The following TBPL2 variants were observed in gnomAD, a reference collection of about 807,000 sequenced individuals.
TBPL2 encodes the protein TATA-box binding protein like 2, also known as TATA box-binding protein-like 2.
TBPL2 carries 40 observed loss-of-function variants against 38.2 expected under a neutral mutation model. The observed-to-expected ratio is 1.05, with a 90% CI of 0.81 to 1.36. TBPL2 has a LOEUF of 1.36. TBPL2 is among the 40% of genes most tolerant of loss of function. The pLI, the probability that TBPL2 is intolerant of heterozygous loss-of-function variation, is 0.00. For missense variants in TBPL2, 461 were observed against 456.7 expected, an observed-to-expected ratio of 1.01 and a Z score of -0.09; for synonymous variants, 169 against 171.7, an observed-to-expected ratio of 0.98 and a Z score of 0.12.
chr14:55,439,241 A>T (rs1886065770), intron 1 of TBPL2, among the ~76,000 whole-genome samples: 1 of 147,878 alleles, frequency 6.8e-6, no homozygotes, highest in Non-Finnish European at 1.5e-5. Flanking sequence ...ACCCTGCCCA[A>T]TGCTAAGGAT....
At chr14:55,415,877 AT>A (rs1420384712) in intron 6 of TBPL2, among the ~76,000 whole-genome samples, 1 of 152,212 alleles carries the variant, frequency 6.6e-6, no homozygotes, top group African/African-American at 2.4e-5. Flanking sequence ...AAATAAAAAA[AT>A]GTATGGTGTG....
chr14:55,423,638 ATAT>A (rs1885777613), intron 6 of TBPL2, among the ~76,000 whole-genome samples: 1 of 152,232 alleles, frequency 6.6e-6, no homozygotes, highest in East Asian at 1.9e-4. Context: ...TGGGGAAAAA[ATAT>A]TACATAACAC....
At chr14:55,432,442 A>AACAAAAAAAAAC (rs144188761) in intron 4 of TBPL2, among the ~76,000 whole-genome samples, 22,916 of 148,866 alleles carry the variant, frequency 0.15, 2,399 homozygotes, top group African/African-American at 0.31. Flanking sequence ...ATAAACAAAC[A>AACAAAAAAAAAC]ACAAAAAAAA....
In TBPL2 at chr14:55,423,056, C is replaced by T. The variant is rs112925605; in HGVS notation, c.1051+1103G>A. ...ATAGTATTATAGTAAACTCAAATCC[C>T]GAGAAAATACAAGCTAAGTAGACAA... On this transcript the variant is annotated intron_variant, in intron 6 of 6. Transcript: ENST00000247219. 2.0e-3 allele frequency among the ~76,000 whole-genome samples: 309 copies of T among 151,560 alleles called. 1 individual carries two copies. The highest frequency in any genetic ancestry group is 3.7e-3 in the Non-Finnish European group (254 of 67,858).
At chr14:55,433,750 C>A (rs1327264709) in intron 3 of TBPL2, 29 bp from the exon 4 acceptor site, 1 of 1,603,850 alleles carries the variant, frequency 6.2e-7, no homozygotes, top group East Asian at 2.2e-5. Context: ...AGAGAATTAG[C>A]CTCTGCTAGG....
At chr14:55,438,315 A>C (rs1186175117) in intron 1 of TBPL2, among the ~76,000 whole-genome samples, 1 of 152,156 alleles carries the variant, frequency 6.6e-6, no homozygotes, top group African/African-American at 2.4e-5. Flanking sequence ...AAGCACTTAG[A>C]ATTAAAAACA....
intron 2 of TBPL2, 85 bp from the exon 3 acceptor site, chr14:55,436,019 GT>G: frequency 1.2e-6 from 1 of 835,656 alleles, no homozygotes; most frequent in Non-Finnish European, 1.8e-6. Context: ...CATTTCTTAG[GT>G]TATACCTTAG....
At chr14:55,438,062 T>G (rs952004890) in intron 1 of TBPL2, among the ~76,000 whole-genome samples, 4 of 152,214 alleles carry the variant, frequency 2.6e-5, no homozygotes, top group African/African-American at 7.2e-5. Context: ...ATTAGCTTGA[T>G]AAATGCATTA....
At chr14:55,439,691 G>A (rs1566596535) in intron 1 of TBPL2, among the ~76,000 whole-genome samples, 2 of 147,542 alleles carry the variant, frequency 1.4e-5, no homozygotes, top group Non-Finnish European at 3.0e-5. Flanking sequence ...AGCACTTTGG[G>A]AGGCCAAGGC....
chr14:55,420,821 T>C (rs951121653), intron 6 of TBPL2, among the ~76,000 whole-genome samples: 3 of 151,768 alleles, frequency 2.0e-5, no homozygotes, highest in African/African-American at 7.3e-5. Flanking sequence ...GCACTTTGGG[T>C]GGCCGAGGCG....
chr14:55,421,548 C>T (rs1885745239), intron 6 of TBPL2, among the ~76,000 whole-genome samples: 1 of 152,214 alleles, frequency 6.6e-6, no homozygotes, highest in Admixed American at 6.5e-5. Context: ...ACTGCAGCCT[C>T]TGCCTCCCAG....
chr14:55,434,215 A>C (rs192939009), intron 3 of TBPL2, among the ~76,000 whole-genome samples: 135 of 152,348 alleles, frequency 8.9e-4, no homozygotes, highest in Non-Finnish European at 1.2e-3. Context: ...AATGCAGAAG[A>C]GTCTGTATGA....
At chr14:55,417,479 A>T (rs1189172572) in intron 6 of TBPL2, among the ~76,000 whole-genome samples, 4 of 122,774 alleles carry the variant, frequency 3.3e-5, no homozygotes, top group Non-Finnish European at 4.9e-5. Context: ...AAAAAAAAAA[A>T]GTCTCGCTCG....
chr14:55,421,009 C>T (rs1342129977), intron 6 of TBPL2, among the ~76,000 whole-genome samples: 2 of 140,646 alleles, frequency 1.4e-5, no homozygotes, highest in Non-Finnish European at 3.0e-5. Context: ...TGCAGTGAGC[C>T]GAGATCGCAC....
chr14:55,435,674 G>T (rs543630522), intron 3 of TBPL2, among the ~76,000 whole-genome samples, 173 bp downstream of exon 3: 3 of 152,248 alleles, frequency 2.0e-5, no homozygotes, highest in South Asian at 2.1e-4. Context: ...TCAGCATAAA[G>T]AATGAGATTA....
rs868155591 is a variant in TBPL2, at chr14:55,421,662, C to T, written c.1051+2497G>A. ...ATTTTCAGTAGAGATGGGGTTTCACCATGTTGGCAAGGCTGGTCTTGAATT... is the reference window on the plus strand; with the variant it reads ...ATTTTCAGTAGAGATGGGGTTTCACTATGTTGGCAAGGCTGGTCTTGAATT... On this transcript the variant is annotated intron_variant, in intron 6 of 6. Transcript: ENST00000247219. 2.6e-5 allele frequency among the ~76,000 whole-genome samples: 4 copies of T among 152,280 alleles called. No homozygotes were observed. In the South Asian group the frequency reaches 8.3e-4, roughly 32 times the overall value.
chr14:55,439,248 G>C (rs1324314562), intron 1 of TBPL2, among the ~76,000 whole-genome samples: 1 of 142,964 alleles, frequency 7.0e-6, no homozygotes, highest in Non-Finnish European at 1.5e-5. Flanking sequence ...CCAATGCTAA[G>C]GATTTTTAAG....
intron 6 of TBPL2, among the ~76,000 whole-genome samples, chr14:55,423,280 A>T (rs1169128477): frequency 1.3e-5 from 2 of 152,240 alleles, no homozygotes; most frequent in Non-Finnish European, 2.9e-5. Flanking sequence ...AGATATTTAG[A>T]TACATTGCAT....
chr14:55,436,391 A>C (rs1342651915), intron 2 of TBPL2, among the ~76,000 whole-genome samples, 170 bp downstream of exon 2: 4 of 152,236 alleles, frequency 2.6e-5, no homozygotes, highest in Non-Finnish European at 5.9e-5. Flanking sequence ...GCTTTGCCTT[A>C]CAGATAATCA....
Sources: gnomAD v4.1 joint callset for allele counts (sites outside exome capture counted in the v4.1 genomes callset) on GRCh38, gnomAD v4.1.1 for gene constraint, MANE v1.5 for transcripts, NCBI Gene and HGNC (gene_info 2026-07-23, HGNC 2026-07-21) for gene names.